The following CNTN4 variants were observed in gnomAD, a reference collection of about 807,000 sequenced individuals.
CNTN4 encodes contactin 4, also known as contactin-4.
Under a neutral mutation model 122.5 loss-of-function variants are expected in CNTN4, and 77 were observed. That is an observed-to-expected ratio of 0.63 (90% CI 0.52 to 0.76). The LOEUF (loss-of-function observed/expected upper bound fraction) is 0.76. Among genes scored for constraint, CNTN4 ranks in the 30% least tolerant of loss-of-function variants. CNTN4 has a pLI of 0.00. For synonymous variants in CNTN4, 512 were observed against 447.0 expected (o/e 1.15, Z -1.83); for missense variants, 1,256 against 1,259.1 (o/e 1.00, Z 0.04).
chr3:2,989,527 A>C (rs1694871628), intron 14 of CNTN4, among the ~76,000 whole-genome samples: 1 of 152,228 alleles, frequency 6.6e-6, no homozygotes, highest in Admixed American at 6.5e-5. Flanking sequence ...TTACCTAATT[A>C]AATATTTTAG....
At chr3:2,125,296 C>T (rs572971901) in intron 2 of CNTN4, among the ~76,000 whole-genome samples, 1 of 150,232 alleles carries the variant, frequency 6.7e-6, no homozygotes, top group South Asian at 2.1e-4. Flanking sequence ...GGCAGGATTT[C>T]CTTCTTTTTC....
At chr3:2,931,620 A>G (rs1355597426) in intron 13 of CNTN4, among the ~76,000 whole-genome samples, 3 of 151,908 alleles carry the variant, frequency 2.0e-5, no homozygotes, top group Admixed American at 6.6e-5. Flanking sequence ...ATTAACTTTT[A>G]ATTGTTTATT....
chr3:2,977,466 A>G (rs1214758731), intron 13 of CNTN4, among the ~76,000 whole-genome samples: 1 of 151,970 alleles, frequency 6.6e-6, no homozygotes. Context: ...TACATTACCC[A>G]TTACCACCCC....
At chr3:2,635,387 A>G (rs1336490040) in intron 4 of CNTN4, among the ~76,000 whole-genome samples, 1 of 152,198 alleles carries the variant, frequency 6.6e-6, no homozygotes, top group Non-Finnish European at 1.5e-5. Flanking sequence ...AATTTTAGCC[A>G]TGCCTTATCT....
chr3:2,793,812 C>T (rs182425506), intron 6 of CNTN4, among the ~76,000 whole-genome samples: 3 of 152,134 alleles, frequency 2.0e-5, no homozygotes, highest in African/African-American at 7.2e-5. Context: ...AAAACAAAAT[C>T]ATGTGGAACT....
At chr3:2,980,618 C>G (rs1002543427) in intron 13 of CNTN4, among the ~76,000 whole-genome samples, 5 of 152,168 alleles carry the variant, frequency 3.3e-5, no homozygotes, top group African/African-American at 1.2e-4. Flanking sequence ...TAATACCCGA[C>G]GTTTGACATC....
At chr3:3,012,400 T>G (rs377069645) in intron 14 of CNTN4, among the ~76,000 whole-genome samples, 1 of 152,138 alleles carries the variant, frequency 6.6e-6, no homozygotes, top group East Asian at 1.9e-4. Context: ...TTTTGAGCAC[T>G]TTTTATGTAG....
At chr3:2,504,626 T>C (rs760084898) in intron 3 of CNTN4, among the ~76,000 whole-genome samples, 4 of 152,184 alleles carry the variant, frequency 2.6e-5, no homozygotes, top group Non-Finnish European at 5.9e-5. Context: ...GAAAACTATA[T>C]GTAATCTCAA....
chr3:2,303,586 C>A (rs1239413731), intron 2 of CNTN4, among the ~76,000 whole-genome samples: 3 of 152,058 alleles, frequency 2.0e-5, no homozygotes, highest in African/African-American at 7.2e-5. Flanking sequence ...TTTATTTATT[C>A]ATTAGATGAT....
chr3:2,525,855 T>C (rs915989379), intron 3 of CNTN4, among the ~76,000 whole-genome samples: 3 of 152,138 alleles, frequency 2.0e-5, no homozygotes, highest in African/African-American at 7.2e-5. Context: ...ACATTTTATA[T>C]ATACATATGT....
intron 3 of CNTN4, among the ~76,000 whole-genome samples, chr3:2,418,110 A>G (rs181391276): frequency 6.6e-6 from 1 of 152,322 alleles, no homozygotes; most frequent in Non-Finnish European, 1.5e-5. Context: ...TGTAAAACAT[A>G]AGAGTAAACC....
chr3:2,237,196 G>C lies in CNTN4; in HGVS notation c.-144-101982G>C, dbSNP rs60218956. ...GGAGTCAGTAGTGGTAGGTTGTGGG[G>C]AGGTGGTGGTGAAGATGAAGAGATG... On this transcript the variant is annotated intron_variant, in intron 2 of 24. Coordinates refer to ENST00000418658, the MANE Select transcript of CNTN4 (RefSeq NM_175607.3). Among the ~76,000 whole-genome samples the C allele has an allele frequency of 6.3e-3, 952 of 152,258 alleles. 16 individuals are homozygous for C. The highest frequency in any genetic ancestry group is 0.022 in the African/African-American group (904 of 41,548).
At chr3:2,842,065 A>G (rs1297039141) in intron 7 of CNTN4, among the ~76,000 whole-genome samples, 1 of 152,164 alleles carries the variant, frequency 6.6e-6, no homozygotes, top group Non-Finnish European at 1.5e-5. Context: ...AATATTCTTA[A>G]TGAGCATTGT....
intron 13 of CNTN4, among the ~76,000 whole-genome samples, chr3:2,956,675 AATG>A (rs1445968557): frequency 5.9e-5 from 9 of 152,140 alleles, no homozygotes; most frequent in African/African-American, 2.2e-4. Context: ...TATATTATAT[AATG>A]ATTACCACAA....
At chr3:2,495,670 C>T (rs753017337) in intron 3 of CNTN4, among the ~76,000 whole-genome samples, 6 of 152,112 alleles carry the variant, frequency 3.9e-5, no homozygotes, top group South Asian at 4.1e-4. Context: ...GAACTGCATA[C>T]GAGGGATCTA....
chr3:2,648,313 A>G (rs2083217785), intron 4 of CNTN4, among the ~76,000 whole-genome samples: 1 of 152,116 alleles, frequency 6.6e-6, no homozygotes, highest in Non-Finnish European at 1.5e-5. Flanking sequence ...ATTGCACTTC[A>G]CAGATTTTGA....
chr3:2,576,457 A>T (rs1156701300), intron 4 of CNTN4, among the ~76,000 whole-genome samples: 1 of 152,148 alleles, frequency 6.6e-6, no homozygotes, highest in Non-Finnish European at 1.5e-5. Context: ...TATCTAAAGT[A>T]TTAAAATTGG....
At chr3:2,468,274 A>G (rs2075570623) in intron 3 of CNTN4, among the ~76,000 whole-genome samples, 2 of 152,228 alleles carry the variant, frequency 1.3e-5, no homozygotes, top group African/African-American at 4.8e-5. Flanking sequence ...TAGGGTGTTC[A>G]TGGAGGATTT....
chr3:2,246,385 C>T (rs1029992543), intron 2 of CNTN4, among the ~76,000 whole-genome samples: 1 of 151,924 alleles, frequency 6.6e-6, no homozygotes, highest in South Asian at 2.1e-4. Flanking sequence ...TGAAAGGAAA[C>T]CTTTAATGGG....
Sources: allele counts gnomAD v4.1 joint callset (sites outside exome capture counted in the v4.1 genomes callset), GRCh38; gene constraint gnomAD v4.1.1; transcripts MANE v1.5; gene names NCBI Gene and HGNC (gene_info 2026-07-23, HGNC 2026-07-21).